RPIA: variants seen among roughly 807,000 people sequenced by gnomAD.
RPIA encodes ribose 5-phosphate isomerase A.
A neutral mutation model predicts 37.8 loss-of-function variants in RPIA; 29 were observed. The observed-to-expected ratio is 0.77, with a 90% CI of 0.57 to 1.05. RPIA has a LOEUF of 1.05. RPIA is among the 50% of genes least tolerant of loss of function. The pLI, the probability that RPIA is intolerant of heterozygous loss-of-function variation, is 0.00. For synonymous variants in RPIA, 167 were observed against 157.0 expected (o/e 1.06, Z -0.48); for missense variants, 385 against 413.6 (o/e 0.93, Z 0.60).
intron 1 of RPIA, among the ~76,000 whole-genome samples, chr2:88,697,574 T>C (rs1403251766): frequency 6.6e-6 from 1 of 152,178 alleles, no homozygotes; most frequent in Non-Finnish European, 1.5e-5. Flanking sequence ...CTTTGTTTCT[T>C]CTTGTTTGGT....
At chr2:88,709,006 T>C (rs1284253569) in intron 3 of RPIA, among the ~76,000 whole-genome samples, 2 of 152,184 alleles carry the variant, frequency 1.3e-5, no homozygotes, top group Non-Finnish European at 2.9e-5. Context: ...TCCACCCGCC[T>C]GGGCCTCCCA....
At chr2:88,717,730 G>T (rs1278530081) in intron 3 of RPIA, among the ~76,000 whole-genome samples, 1 of 152,050 alleles carries the variant, frequency 6.6e-6, no homozygotes, top group African/African-American at 2.4e-5. Context: ...TGAGTCTCTG[G>T]CTTCAGGTTT....
chr2:88,701,809 C>T (rs1029286865), intron 3 of RPIA, among the ~76,000 whole-genome samples: 1 of 152,184 alleles, frequency 6.6e-6, no homozygotes, highest in African/African-American at 2.4e-5. Context: ...CCCTTACATA[C>T]ATTCTGTGGC....
chr2:88,720,518 G>A (rs1028711422), intron 3 of RPIA, among the ~76,000 whole-genome samples: 39 of 150,976 alleles, frequency 2.6e-4, no homozygotes, highest in Non-Finnish European at 5.2e-4. Context: ...TAAAAGGGGA[G>A]AAAAAACTGA....
chr2:88,743,083 G>A (rs112840894), intron 8 of RPIA, among the ~76,000 whole-genome samples: 10,168 of 152,076 alleles, frequency 0.067, 440 homozygotes, highest in Non-Finnish European at 0.094. Context: ...TTGGATACTG[G>A]GTATGTGAAA....
intron 3 of RPIA, among the ~76,000 whole-genome samples, chr2:88,711,541 T>C (rs1385455934): frequency 1.3e-5 from 2 of 152,198 alleles, no homozygotes; most frequent in Non-Finnish European, 2.9e-5. Context: ...CAGATGAAGC[T>C]TTTAGGTAGC....
intron 3 of RPIA, 122 bp downstream of exon 3, chr2:88,700,186 T>C: frequency 1.1e-6 from 1 of 891,962 alleles, no homozygotes; most frequent in African/African-American, 1.6e-5. Context: ...AGTCCAGGAA[T>C]AGGAGAGTTT....
chr2:88,736,552 T>C lies in RPIA; in HGVS notation c.614T>C (p.Leu205Pro), dbSNP rs1673317888. Reference sequence around the variant, plus strand: ...CTTTCCAGGAAAGATTCGAAGAATCTCGGGGATCAGTGGCACAAGGGAATC... The same window carrying C: ...CTTTCCAGGAAAGATTCGAAGAATCCCGGGGATCAGTGGCACAAGGGAATC... ...IADFRKDSKN[L>P]GDQWHKGIPI... The change falls in exon 7 of 9, where the codon CTC (leucine) becomes CCC (proline). Residue 205 changes from leucine (L) to proline (P), a missense_variant. Physicochemically the swap from Leu to Pro is moderately conservative, Grantham distance 98. This residue lies in a region of RPIA where 153 missense variants were observed against 210.6 expected (regional missense o/e 0.73). Transcript: ENST00000283646. The C allele has an allele frequency of 2.5e-6, 4 of 1,614,070 alleles. No homozygotes were observed. In the South Asian group the frequency reaches 4.4e-5, roughly 18 times the overall value.
intron 1 of RPIA, among the ~76,000 whole-genome samples, chr2:88,697,135 G>C (rs1208665186): frequency 1.3e-5 from 2 of 152,142 alleles, no homozygotes; most frequent in Admixed American, 1.3e-4. Context: ...CTATACAGTC[G>C]TCATATATCT....
chr2:88,700,436 G>C (rs1672814261), intron 3 of RPIA, among the ~76,000 whole-genome samples: 1 of 152,182 alleles, frequency 6.6e-6, no homozygotes, highest in Non-Finnish European at 1.5e-5. Flanking sequence ...CAGATCACTT[G>C]AGCACAGGAG....
intron 3 of RPIA, among the ~76,000 whole-genome samples, chr2:88,724,859 T>C (rs957933839): frequency 6.6e-6 from 1 of 152,196 alleles, no homozygotes; most frequent in Non-Finnish European, 1.5e-5. Flanking sequence ...CTTGATTAGG[T>C]AGTAGAAGGG....
chr2:88,738,529 G>C (rs1489245022), intron 8 of RPIA, among the ~76,000 whole-genome samples: 1 of 152,208 alleles, frequency 6.6e-6, no homozygotes, highest in African/African-American at 2.4e-5. Flanking sequence ...GGGATACTTC[G>C]ATCTGGAGGA....
chr2:88,712,272 C>T (rs1478626889), intron 3 of RPIA, among the ~76,000 whole-genome samples: 1 of 152,186 alleles, frequency 6.6e-6, no homozygotes, highest in East Asian at 1.9e-4. Context: ...TGTGCTTCAT[C>T]TGATAGGCAA....
intron 3 of RPIA, among the ~76,000 whole-genome samples, chr2:88,709,014 C>A (rs2104089456): frequency 6.6e-6 from 1 of 152,300 alleles, no homozygotes; most frequent in Middle Eastern, 3.4e-3. Flanking sequence ...CCTGGGCCTC[C>A]CAAAGTGCTG....
At chr2:88,719,062 T>G (rs534491946) in intron 3 of RPIA, among the ~76,000 whole-genome samples, 4 of 152,254 alleles carry the variant, frequency 2.6e-5, no homozygotes, top group Non-Finnish European at 5.9e-5. Context: ...TTTATTCTGA[T>G]GTTACAATCT....
At position 88,737,883 on chromosome 2, in the gene RPIA, T is replaced by G; in HGVS notation, c.739-94T>G. ...AGCATAAGGTGGGAGCAGGTTAAAA[T>G]GCATACTTGTCTTTGGTTATCCCCT... On this transcript the variant is annotated intron_variant, in intron 7 of 8. Transcript: ENST00000283646. The G allele has an allele frequency of 3.3e-6, 3 of 906,764 alleles. No individual in the cohort carries two copies. In the South Asian group the frequency reaches 4.0e-5, roughly 12 times the overall value. 56.2% of individuals were successfully genotyped at this position (906,764 alleles called of 1,614,324 possible). A position where few individuals can be genotyped will look rare whatever the true frequency, so the allele number is the denominator to read the frequency against.
intron 8 of RPIA, among the ~76,000 whole-genome samples, chr2:88,739,829 G>C (rs192697910): frequency 6.6e-6 from 1 of 152,300 alleles, no homozygotes; most frequent in East Asian, 1.9e-4. Flanking sequence ...TGTTGTCCAG[G>C]CTGGTCTTGA....
chr2:88,739,023 A>G (rs1164748914), intron 8 of RPIA, among the ~76,000 whole-genome samples: 2 of 152,174 alleles, frequency 1.3e-5, no homozygotes, highest in Non-Finnish European at 2.9e-5. Flanking sequence ...AAGAGCCAGG[A>G]TGGCCCTGCG....
chr2:88,726,698 T>C (rs1261055366), intron 3 of RPIA, among the ~76,000 whole-genome samples: 6 of 152,204 alleles, frequency 3.9e-5, no homozygotes, highest in African/African-American at 1.4e-4. Context: ...GTCCAGGACA[T>C]GACAGCTATT....
Sources: allele counts gnomAD v4.1 joint callset (sites outside exome capture counted in the v4.1 genomes callset), GRCh38; gene constraint gnomAD v4.1.1; regional missense constraint gnomAD v4.1.1; transcripts MANE v1.5; gene names NCBI Gene and HGNC (gene_info 2026-07-23, HGNC 2026-07-21).